CLIP1: variants seen among roughly 807,000 people sequenced by gnomAD.
The protein encoded by CLIP1 is CAP-Gly domain-containing linker protein 1.
In CLIP1, 66 loss-of-function variants were observed where a neutral mutation model predicts 161.6. That is an observed-to-expected ratio of 0.41 (90% CI 0.33 to 0.50). The LOEUF is 0.50. CLIP1 is among the 20% of genes least tolerant of loss of function. The pLI is 0.27. For synonymous variants in CLIP1, 598 were observed against 626.2 expected, an observed-to-expected ratio of 0.96 and a Z score of 0.67; for missense variants, 1,376 against 1,702.0, an observed-to-expected ratio of 0.81 and a Z score of 3.37.
intron 20 of CLIP1, among the ~76,000 whole-genome samples, chr12:122,308,512 T>G (rs547140468): frequency 1.3e-5 from 2 of 152,320 alleles, no homozygotes; most frequent in African/African-American, 4.8e-5. Context: ...GCAGTGACCC[T>G]AGTTAAGTCA....
At chr12:122,388,001 G>A (rs1018345513) in intron 1 of CLIP1, among the ~76,000 whole-genome samples, 2 of 152,022 alleles carry the variant, frequency 1.3e-5, no homozygotes, top group South Asian at 4.2e-4. Context: ...GATCTCATTC[G>A]TTTTTAAGAA....
chr12:122,287,464 T>A (rs1955905053), intron 21 of CLIP1, among the ~76,000 whole-genome samples: 1 of 152,212 alleles, frequency 6.6e-6, no homozygotes, highest in Admixed American at 6.5e-5. Context: ...TTTAGTTTTG[T>A]TTTTAACAAG....
chr12:122,416,068 T>C (rs773552308), intron 1 of CLIP1, among the ~76,000 whole-genome samples: 1 of 151,720 alleles, frequency 6.6e-6, no homozygotes, highest in African/African-American at 2.4e-5. Context: ...TGAAACCCTG[T>C]CTCTACTAAA....
At chr12:122,383,068 G>T (rs1434855910) in intron 1 of CLIP1, among the ~76,000 whole-genome samples, 2 of 152,140 alleles carry the variant, frequency 1.3e-5, no homozygotes, top group African/African-American at 4.8e-5. Flanking sequence ...AGCCAACAAC[G>T]ACCATGTCTA....
intron 15 of CLIP1, among the ~76,000 whole-genome samples, chr12:122,330,597 G>GTTTTTTTTTTTTTTTTTTTTTTTTTTTT (rs71082966): frequency 3.0e-5 from 3 of 101,380 alleles, no homozygotes; most frequent in African/African-American, 1.3e-4. Flanking sequence ...GTATAATGCA[G>GTTTTTTTTTTTTTTTTTTTTTTTTTTTT]TTTTTTTTTT....
chr12:122,380,938 A>C (rs1954983668), intron 1 of CLIP1, among the ~76,000 whole-genome samples: 1 of 152,146 alleles, frequency 6.6e-6, no homozygotes. Flanking sequence ...CTGAGGGGGA[A>C]GGATTTCATG....
chr12:122,276,283 T>C (rs1955422479), intron 24 of CLIP1, among the ~76,000 whole-genome samples: 1 of 152,090 alleles, frequency 6.6e-6, no homozygotes, highest in Non-Finnish European at 1.5e-5. Flanking sequence ...TGAGTCTACC[T>C]TCACTTCTCA....
chr12:122,357,536 C>A (rs1375948560), intron 5 of CLIP1, among the ~76,000 whole-genome samples: 1 of 147,372 alleles, frequency 6.8e-6, no homozygotes, highest in African/African-American at 2.5e-5. Flanking sequence ...CCCGGCCAGC[C>A]GCCCCGTCCG....
At chr12:122,293,814 T>G (rs1290373462) in intron 20 of CLIP1, among the ~76,000 whole-genome samples, 5 of 47,862 alleles carry the variant, frequency 1.0e-4, no homozygotes, top group South Asian at 8.0e-4. Context: ...TTGTTTTTTG[T>G]TTTTTTTTGA....
chr12:122,330,675 C>T (rs768674014), intron 15 of CLIP1, among the ~76,000 whole-genome samples: 1 of 141,514 alleles, frequency 7.1e-6, no homozygotes, highest in African/African-American at 2.6e-5. Flanking sequence ...TCTGAGCTCA[C>T]GGCACCCTCT....
At chr12:122,367,027 A>C (rs554229308) in intron 3 of CLIP1, among the ~76,000 whole-genome samples, 2 of 152,310 alleles carry the variant, frequency 1.3e-5, no homozygotes, top group South Asian at 4.2e-4. Context: ...AGCCAGCATC[A>C]TGTGAGCAGG....
rs57326141 is a variant in CLIP1 at position 122,293,002 on chromosome 12, C to CAA, written c.3595-4463_3595-4462dup. On this transcript the variant is annotated intron_variant, in intron 20 of 25. Transcript: ENST00000620786. Reference sequence around the variant, plus strand: ...TGGGCAAAAGAGCAAGACTCTGTCTCAAAAAAAAAAAAAAAAAAAAGGCAA... The same window carrying CAA: ...TGGGCAAAAGAGCAAGACTCTGTCTCAAAAAAAAAAAAAAAAAAAAAAGGCAA... 1.9e-3 allele frequency among the ~76,000 whole-genome samples: 82 copies of CAA among 43,470 alleles called. 1 individual carries two copies. In the East Asian group the frequency reaches 0.019, roughly 10 times the overall value. The allele number at this position is 43,470 out of a possible 152,430, so 28.5% of individuals were successfully genotyped here. A position where few individuals can be genotyped will look rare whatever the true frequency, so the allele number is the denominator to read the frequency against.
At chr12:122,413,811 C>T (rs1424757066) in intron 1 of CLIP1, among the ~76,000 whole-genome samples, 2 of 151,912 alleles carry the variant, frequency 1.3e-5, no homozygotes, top group African/African-American at 4.8e-5. Flanking sequence ...AAAAAGTAGA[C>T]CCACCCATTG....
At chr12:122,365,882 C>A (rs1566179945) in intron 3 of CLIP1, among the ~76,000 whole-genome samples, 1 of 151,908 alleles carries the variant, frequency 6.6e-6, no homozygotes, top group Non-Finnish European at 1.5e-5. Context: ...TAGTGGTGTG[C>A]GCCTGTGGTC....
In CLIP1 at chr12:122,341,516, C is replaced by T. The variant is rs780891732; in HGVS notation, c.1688G>A (p.Arg563His). 4 of 1,614,056 alleles carry T rather than the reference C, an allele frequency of 2.5e-6. No individual in the cohort carries two copies. The highest frequency in any genetic ancestry group is 3.3e-5 in the Admixed American group (2 of 59,986). Reference protein sequence around the residue: ...SSLQEKLEVTRTDHQREITSL... With the variant: ...SSLQEKLEVTHTDHQREITSL... The stretch of plus-strand genomic sequence containing the variant: ...AGTTATTTCTCTCTGGTGGTCAGTA[C>T]GGGTGACTTCTAACTTTTCTTGCAA... The change falls in exon 11 of 26, where the codon CGT (arginine) becomes CAT (histidine). Residue 563 changes from arginine (R) to histidine (H), a missense_variant. Physicochemically the swap from Arg to His is conservative, Grantham distance 29. Around this residue, in one of 6 missense-constraint regions of CLIP1, gnomAD observed 948 missense variants for 1,134.8 expected, o/e 0.84. Coordinates refer to ENST00000620786, the MANE Select transcript of CLIP1 (RefSeq NM_001247997.2).
chr12:122,419,610 C>T (rs889318116), intron 1 of CLIP1, among the ~76,000 whole-genome samples: 2 of 152,034 alleles, frequency 1.3e-5, no homozygotes, highest in Admixed American at 6.6e-5. Flanking sequence ...ACACCATCCA[C>T]TGGCTTTCGA....
intron 5 of CLIP1, among the ~76,000 whole-genome samples, chr12:122,358,379 A>G (rs887321992): frequency 6.7e-5 from 10 of 149,304 alleles, no homozygotes; most frequent in Admixed American, 2.7e-4. Flanking sequence ...TCCCTCCACT[A>G]TTGTCCTATG....
At chr12:122,395,377 A>C (rs1955872970) in intron 1 of CLIP1, 1 of 152,194 alleles carries the variant, frequency 6.6e-6, no homozygotes, top group Admixed American at 6.5e-5. Flanking sequence ...AATCTAGAAT[A>C]TGAAAATAGT....
intron 3 of CLIP1, among the ~76,000 whole-genome samples, chr12:122,370,770 T>A (rs951740834): frequency 6.6e-6 from 1 of 152,010 alleles, no homozygotes; most frequent in African/African-American, 2.4e-5. Flanking sequence ...CTGAAAGGCA[T>A]CTGAGCTTCC....
Sources: gnomAD v4.1 joint callset for allele counts (sites outside exome capture counted in the v4.1 genomes callset) on GRCh38, gnomAD v4.1.1 for gene constraint, gnomAD v4.1.1 regional missense constraint, MANE v1.5 for transcripts, NCBI Gene and HGNC (gene_info 2026-07-23, HGNC 2026-07-21) for gene names.